Variants in RABGEF1 observed in about 807,000 individuals in gnomAD.
RABGEF1 encodes the protein rab5 GDP/GTP exchange factor.
RABGEF1 carries 26 observed loss-of-function variants against 57.3 expected under a neutral mutation model. The ratio of observed to expected loss-of-function variants is 0.45; its 90% CI spans 0.33 to 0.63. The LOEUF is 0.63. Ranked by LOEUF, RABGEF1 falls within the 20% of genes least tolerant of loss-of-function variation. The probability of loss-of-function intolerance (pLI) is 0.02; values close to 1 mark genes in which losing one functional copy is unlikely to be tolerated. For missense variants in RABGEF1, 464 were observed against 607.6 expected, an observed-to-expected ratio of 0.76 and a Z score of 2.48; for synonymous variants, 185 against 210.7, an observed-to-expected ratio of 0.88 and a Z score of 1.06.
chr7:66,732,249 G>T (rs1211887894), intron 2 of RABGEF1, among the ~76,000 whole-genome samples: 2 of 152,216 alleles, frequency 1.3e-5, no homozygotes, highest in Non-Finnish European at 2.9e-5. Flanking sequence ...CTAGCCATGG[G>T]GCTGAGCAGG....
chr7:66,756,134 G>T, intron 1 of RABGEF1: 2 of 1,130,208 alleles, frequency 1.8e-6, no homozygotes, highest in South Asian at 3.7e-5. Flanking sequence ...AAATAGTAAT[G>T]ACATAGAAAA....
chr7:66,696,456 A>G (rs1377542025), intron 1 of RABGEF1, among the ~76,000 whole-genome samples: 4 of 151,998 alleles, frequency 2.6e-5, no homozygotes, highest in Admixed American at 6.6e-5. Flanking sequence ...TTGAGAGGCC[A>G]AGGGAGGTGG....
the RABGEF1 span, among the ~76,000 whole-genome samples, chr7:66,664,581 G>A: frequency 2.6e-5 from 4 of 152,076 alleles, no homozygotes; most frequent in Non-Finnish European, 5.9e-5. Context: ...TGCAGCCCGG[G>A]CAACAGAACG....
intron 1 of RABGEF1, among the ~76,000 whole-genome samples, chr7:66,688,085 C>A (rs1467641656): frequency 3.0e-3 from 325 of 109,042 alleles, no homozygotes; most frequent in African/African-American, 4.6e-3. Context: ...AACTCTGTGT[C>A]AAAAAAAAAA....
At chr7:66,790,334 C>T (rs1584149879) in intron 4 of RABGEF1, among the ~76,000 whole-genome samples, 1 of 152,174 alleles carries the variant, frequency 6.6e-6, no homozygotes, top group African/African-American at 2.4e-5. Context: ...CGCATGAGGT[C>T]TTTTTTTCGT....
chr7:66,808,617 G>A (rs1788997368), intron 8 of RABGEF1, among the ~76,000 whole-genome samples: 1 of 152,170 alleles, frequency 6.6e-6, no homozygotes, highest in Non-Finnish European at 1.5e-5. Flanking sequence ...GGGATAGCAG[G>A]TCTGGGAAGA....
intron 1 of RABGEF1, among the ~76,000 whole-genome samples, chr7:66,699,240 G>A (rs1274720354): frequency 6.6e-6 from 1 of 152,210 alleles, no homozygotes; most frequent in African/African-American, 2.4e-5. Context: ...AGGAGGAATG[G>A]GGGGCACGGG....
At chr7:66,715,002 C>T (rs1274188927) in intron 2 of RABGEF1, among the ~76,000 whole-genome samples, 3 of 151,846 alleles carry the variant, frequency 2.0e-5, no homozygotes, top group Non-Finnish European at 2.9e-5. Context: ...TCGTCCTCCT[C>T]CTCCTCCTCT....
chr7:66,787,340 T>C lies in RABGEF1; in HGVS notation c.513+3499T>C, dbSNP rs1435488307. Among the ~76,000 whole-genome samples the C allele has an allele frequency of 2.8e-5, 4 of 141,030 alleles. No homozygotes were observed. The East Asian group carries it at 6.3e-4, about 22-fold the overall frequency. 92.5% of individuals were successfully genotyped at this position (141,030 alleles called of 152,430 possible). A position where few individuals can be genotyped will look rare whatever the true frequency, so the allele number is the denominator to read the frequency against. ...TGAGCCACCATGCCTGGCCTGATTT[T>C]TTTTTTTTTTTTTTTTTTTTTAAGA... On this transcript the variant is annotated intron_variant, in intron 4 of 8. Transcript: ENST00000284957.
chr7:66,720,674 G>A (rs1330324680), intron 2 of RABGEF1, among the ~76,000 whole-genome samples: 6 of 152,064 alleles, frequency 3.9e-5, no homozygotes, highest in Non-Finnish European at 8.8e-5. Flanking sequence ...CTTGCATTTA[G>A]CATAGTACTA....
Position 66,749,945 on chromosome 7 carries a change from GC to G in RABGEF1, c.-18+9154del, listed in dbSNP as rs555701635. 9.9e-3 allele frequency among the ~76,000 whole-genome samples: 1,514 copies of G among 152,322 alleles called. 12 individuals carry two copies. The highest frequency in any genetic ancestry group is 0.034 in the Middle Eastern group (10 of 294). ...GCCGAGATCGCACCACTGCACTCCA[GC>G]GTGGGCGACAGAGCGAGACTCCATC... On this transcript the variant is annotated intron_variant, in intron 1 of 8. Transcript: ENST00000284957.
the RABGEF1 span, among the ~76,000 whole-genome samples, chr7:66,660,677 A>G: frequency 6.6e-6 from 1 of 152,196 alleles, no homozygotes; most frequent in Non-Finnish European, 1.5e-5. Context: ...AAGAACATTA[A>G]ATTACTAATT....
At chr7:66,679,982 G>T (rs1789582126), upstream of RABGEF1, among the ~76,000 whole-genome samples, 1 of 152,140 alleles carries the variant, frequency 6.6e-6, no homozygotes, top group African/African-American at 2.4e-5. Context: ...TTGGAGGCAG[G>T]AGTGTGCTGA....
At chr7:66,785,608 C>T (rs1191276450) in intron 4 of RABGEF1, among the ~76,000 whole-genome samples, 1 of 152,216 alleles carries the variant, frequency 6.6e-6, no homozygotes, top group Non-Finnish European at 1.5e-5. Flanking sequence ...GGTGCGGTGG[C>T]TCACGCCTGT....
chr7:66,737,051 G>GGAGA (rs146350696), upstream of RABGEF1, among the ~76,000 whole-genome samples: 25 of 124,976 alleles, frequency 2.0e-4, no homozygotes, highest in Middle Eastern at 4.3e-3. Flanking sequence ...ATATGAGGGG[G>GGAGA]GAGAGAGAGA....
chr7:66,703,902 T>G (rs6966953), intron 1 of RABGEF1, among the ~76,000 whole-genome samples: 32,170 of 152,222 alleles, frequency 0.21, 3,899 homozygotes, highest in East Asian at 0.31. Flanking sequence ...ATCTTAACAA[T>G]ACTGTTTTCC....
At chr7:66,658,391 G>C in the RABGEF1 span, among the ~76,000 whole-genome samples, 2 of 152,114 alleles carry the variant, frequency 1.3e-5, no homozygotes, top group South Asian at 4.1e-4. Flanking sequence ...AAATGAGCTG[G>C]GTGTGGTGGC....
At chr7:66,739,616 C>T (rs765162911), upstream of RABGEF1, among the ~76,000 whole-genome samples, 25 of 138,416 alleles carry the variant, frequency 1.8e-4, no homozygotes, top group Non-Finnish European at 3.0e-4. Flanking sequence ...AAGCCGAGAT[C>T]GCACGACTGA....
chr7:66,690,759 A>G (rs932797539), intron 1 of RABGEF1, among the ~76,000 whole-genome samples: 4 of 151,784 alleles, frequency 2.6e-5, no homozygotes, highest in Non-Finnish European at 4.4e-5. Context: ...AAGAGAAAAC[A>G]CTGCCAAATT....
Sources: allele counts gnomAD v4.1 joint callset (sites outside exome capture counted in the v4.1 genomes callset), GRCh38; gene constraint gnomAD v4.1.1; transcripts MANE v1.5; gene names NCBI Gene and HGNC (gene_info 2026-07-23, HGNC 2026-07-21).